The following MCC variants were observed in gnomAD, a reference collection of about 807,000 sequenced individuals.
MCC encodes the protein colorectal mutant cancer protein.
A neutral mutation model predicts 116.2 loss-of-function variants in MCC; 90 were observed. The observed-to-expected ratio is 0.77, with a 90% CI of 0.65 to 0.92. The LOEUF (loss-of-function observed/expected upper bound fraction) is 0.92, where lower values mean the gene tolerates loss of function less well. MCC is among the 40% of genes least tolerant of loss of function. The pLI, the probability that MCC is intolerant of heterozygous loss-of-function variation, is 0.00. For synonymous variants in MCC, 578 were observed against 510.5 expected (o/e 1.13, Z -1.78); for missense variants, 1,516 against 1,312.2 (o/e 1.16, Z -2.40).
At chr5:113,097,258 G>A (rs6874595) in intron 8 of MCC, among the ~76,000 whole-genome samples, 68,803 of 151,448 alleles carry the variant, frequency 0.45, 17,101 homozygotes, top group African/African-American at 0.68. Flanking sequence ...AAAAGCAATC[G>A]CATACTTCCA....
At chr5:113,370,612 G>T (rs1403294509) in intron 2 of MCC, among the ~76,000 whole-genome samples, 1 of 152,176 alleles carries the variant, frequency 6.6e-6, no homozygotes, top group Admixed American at 6.5e-5. Context: ...AACAGAAGCT[G>T]CAGACTGGTA....
intron 3 of MCC, among the ~76,000 whole-genome samples, chr5:113,184,475 TTTTG>T (rs1761793636): frequency 7.8e-6 from 1 of 127,662 alleles, no homozygotes; most frequent in Non-Finnish European, 1.6e-5. Flanking sequence ...TTTCTTCGTT[TTTTG>T]TTTTTTTTTT....
chr5:113,318,210 T>C (rs547232330), intron 3 of MCC, among the ~76,000 whole-genome samples: 1 of 152,304 alleles, frequency 6.6e-6, no homozygotes, highest in African/African-American at 2.4e-5. Flanking sequence ...ATCACTGTTA[T>C]TGCCATTTTG....
chr5:113,042,069 A>G (rs1213441037), intron 17 of MCC, among the ~76,000 whole-genome samples: 6 of 152,158 alleles, frequency 3.9e-5, no homozygotes, highest in Admixed American at 2.6e-4. Context: ...CACAAACAAG[A>G]ACCGCTGAAT....
intron 3 of MCC, among the ~76,000 whole-genome samples, chr5:113,255,008 T>TA (rs1197414472): frequency 1.3e-5 from 2 of 152,160 alleles, no homozygotes; most frequent in Admixed American, 1.3e-4. Context: ...CTACTAAAAA[T>TA]ACAAAAATTA....
intron 3 of MCC, among the ~76,000 whole-genome samples, chr5:113,260,712 T>G (rs528102572): frequency 1.3e-5 from 2 of 152,024 alleles, no homozygotes; most frequent in East Asian, 1.9e-4. Flanking sequence ...AACTGAGTTA[T>G]GTAGCTTTTT....
chr5:113,085,121 C>G (rs778487507), intron 9 of MCC, 43 bp downstream of exon 9: 7 of 1,613,088 alleles, frequency 4.3e-6, no homozygotes, highest in Non-Finnish European at 5.9e-6. Context: ...TTCCAGATAA[C>G]AGGAGGTGTT....
intron 6 of MCC, 48 bp from the exon 7 acceptor site, chr5:113,104,403 G>A: frequency 6.5e-7 from 1 of 1,530,228 alleles, no homozygotes; most frequent in Non-Finnish European, 8.8e-7. Flanking sequence ...AACAAATGCT[G>A]TCTGTTTTGC....
chr5:113,404,574 C>T (rs1243219634), intron 1 of MCC, among the ~76,000 whole-genome samples: 2 of 152,184 alleles, frequency 1.3e-5, no homozygotes, highest in Non-Finnish European at 2.9e-5. Context: ...ACTTGCTTTT[C>T]TTTTGGTTCA....
chr5:113,176,618 C>T (rs1295987149), intron 3 of MCC, among the ~76,000 whole-genome samples: 6 of 152,172 alleles, frequency 3.9e-5, no homozygotes, highest in Non-Finnish European at 8.8e-5. Context: ...ACTCAACTTC[C>T]CTTCTTTCCC....
In MCC at chr5:113,053,958, T is replaced by C; in HGVS notation, c.2215A>G (p.Thr739Ala). Reference sequence around the variant, plus strand: ...CAACTACTGGCTGTGGAGCTGGTTGTGCTGAGAAAGAAGAAAAACAAAGAC... The same window carrying C: ...CAACTACTGGCTGTGGAGCTGGTTGCGCTGAGAAAGAAGAAAAACAAAGAC... ...ESLSSNSHTSTTSSTASSCDT... is the reference protein window; with the variant it reads ...ESLSSNSHTSATSSTASSCDT... Residue 739 changes from threonine to alanine, a missense_variant and splice_region_variant, in exon 15 of 19, where the codon ACA (threonine) becomes GCA (alanine). By Grantham distance (58) the Thr-to-Ala change is moderately conservative (BLOSUM62 0). Transcript: ENST00000408903. The C allele has an allele frequency of 6.2e-7, 1 of 1,608,274 alleles. No individual in the cohort carries two copies. The highest frequency in any genetic ancestry group is 2.2e-5 in the East Asian group (1 of 44,710).
chr5:113,085,135 G>A (rs1010868241), intron 9 of MCC, 29 bp downstream of exon 9: 14 of 1,613,498 alleles, frequency 8.7e-6, no homozygotes, highest in African/African-American at 5.3e-5. Flanking sequence ...AGGTGTTCCC[G>A]CTCATCGGGT....
At chr5:113,135,619 T>C (rs1180221953) in intron 5 of MCC, among the ~76,000 whole-genome samples, 2 of 150,100 alleles carry the variant, frequency 1.3e-5, no homozygotes, top group African/African-American at 2.5e-5. Context: ...CTATTGTAAA[T>C]AGGATTGCTT....
intron 3 of MCC, among the ~76,000 whole-genome samples, chr5:113,304,373 C>G (rs1038350188): frequency 2.0e-5 from 3 of 152,234 alleles, no homozygotes; most frequent in African/African-American, 7.2e-5. Flanking sequence ...CCAACCTTCT[C>G]CAACTGCAAA....
At chr5:113,148,018 A>C (rs893555057) in intron 4 of MCC, among the ~76,000 whole-genome samples, 3 of 152,228 alleles carry the variant, frequency 2.0e-5, no homozygotes, top group Non-Finnish European at 4.4e-5. Flanking sequence ...CACCTATTTT[A>C]AAGGGGTTCA....
intron 3 of MCC, among the ~76,000 whole-genome samples, chr5:113,221,275 G>A (rs1018315113): frequency 1.3e-5 from 2 of 152,202 alleles, no homozygotes; most frequent in African/African-American, 4.8e-5. Flanking sequence ...GTGAAACCAC[G>A]TTTGCAAAAA....
chr5:113,250,344 T>C (rs902261185), intron 3 of MCC, among the ~76,000 whole-genome samples: 2 of 152,234 alleles, frequency 1.3e-5, no homozygotes, highest in African/African-American at 4.8e-5. Context: ...ACTGGAAGAT[T>C]GTTTAGTCCA....
At chr5:113,092,767 G>A (rs1755726655) in intron 8 of MCC, among the ~76,000 whole-genome samples, 1 of 152,180 alleles carries the variant, frequency 6.6e-6, no homozygotes, top group South Asian at 2.1e-4. Context: ...CGGATGGGCT[G>A]GCCAGATTTC....
chr5:113,381,651 G>C (rs1028481191), intron 2 of MCC, among the ~76,000 whole-genome samples: 1 of 152,042 alleles, frequency 6.6e-6, no homozygotes, highest in African/African-American at 2.4e-5. Flanking sequence ...AGCTGGGCCT[G>C]GTGGTGCATG....
Sources: allele counts gnomAD v4.1 joint callset (sites outside exome capture counted in the v4.1 genomes callset), GRCh38; gene constraint gnomAD v4.1.1; transcripts MANE v1.5; gene names NCBI Gene and HGNC (gene_info 2026-07-23, HGNC 2026-07-21).